TSPAN5: variants seen among roughly 807,000 people sequenced by gnomAD.
TSPAN5 encodes tetraspanin-5.
In TSPAN5, 10 loss-of-function variants were observed where a neutral mutation model predicts 37.1. The ratio of observed to expected loss-of-function variants is 0.27; its 90% CI spans 0.17 to 0.46. TSPAN5 has a LOEUF of 0.46. Among genes scored for constraint, TSPAN5 ranks in the 20% least tolerant of loss-of-function variants. The pLI is 1.00. For missense variants in TSPAN5, 195 were observed against 326.6 expected (o/e 0.60, Z 3.11); for synonymous variants, 110 against 118.9 (o/e 0.93, Z 0.48).
At chr4:98,502,479 G>A (rs781755392) in intron 2 of TSPAN5, among the ~76,000 whole-genome samples, 4 of 152,168 alleles carry the variant, frequency 2.6e-5, no homozygotes, top group Non-Finnish European at 4.4e-5. Flanking sequence ...GAAGCCAAGT[G>A]AGGAAAACGT....
chr4:98,650,703 C>T (rs913724794), intron 1 of TSPAN5, among the ~76,000 whole-genome samples: 1 of 152,170 alleles, frequency 6.6e-6, no homozygotes, highest in Non-Finnish European at 1.5e-5. Context: ...CACCAAGCAA[C>T]CAGATCTTGG....
At chr4:98,485,067 C>T (rs1423192152) in intron 3 of TSPAN5, 2 of 150,922 alleles carry the variant, frequency 1.3e-5, no homozygotes, top group South Asian at 2.1e-4. Flanking sequence ...GAGCCGAGAT[C>T]ACACCATTGC....
chr4:98,524,934 A>G (rs1317033718), intron 1 of TSPAN5, among the ~76,000 whole-genome samples: 1 of 152,076 alleles, frequency 6.6e-6, no homozygotes, highest in African/African-American at 2.4e-5. Flanking sequence ...AATTTCCTAG[A>G]TATTTCTGAT....
intron 1 of TSPAN5, among the ~76,000 whole-genome samples, chr4:98,543,554 T>C (rs1754407555): frequency 6.6e-6 from 1 of 151,908 alleles, no homozygotes; most frequent in Admixed American, 6.6e-5. Flanking sequence ...TAGCTGGGAT[T>C]ACAGGCTCCC....
intron 2 of TSPAN5, among the ~76,000 whole-genome samples, chr4:98,500,738 A>G (rs1753328125): frequency 6.6e-6 from 1 of 152,104 alleles, no homozygotes; most frequent in African/African-American, 2.4e-5. Context: ...CTCTTTTTGC[A>G]TGTTCTCATT....
chr4:98,571,890 G>T (rs553787749), intron 1 of TSPAN5, among the ~76,000 whole-genome samples: 1 of 152,266 alleles, frequency 6.6e-6, no homozygotes, highest in Non-Finnish European at 1.5e-5. Flanking sequence ...CAAAATTTCT[G>T]CTGTCAATGA....
chr4:98,507,993 G>A (rs1753515609), intron 1 of TSPAN5, among the ~76,000 whole-genome samples: 1 of 152,160 alleles, frequency 6.6e-6, no homozygotes, highest in African/African-American at 2.4e-5. Flanking sequence ...TGAGTACACT[G>A]AAATTATCAA....
chr4:98,578,251 A>G (rs531924539), intron 1 of TSPAN5, among the ~76,000 whole-genome samples: 1 of 152,304 alleles, frequency 6.6e-6, no homozygotes, highest in African/African-American at 2.4e-5. Flanking sequence ...ATCCCTGCAG[A>G]GCCAACACAT....
chr4:98,484,714 C>A, intron 3 of TSPAN5: 1 of 391,150 alleles, frequency 2.6e-6, no homozygotes. Flanking sequence ...GTAATCCCAG[C>A]ATTCTGGGAG....
At chr4:98,602,620 T>C (rs1354211700) in intron 1 of TSPAN5, among the ~76,000 whole-genome samples, 1 of 152,218 alleles carries the variant, frequency 6.6e-6, no homozygotes, top group Non-Finnish European at 1.5e-5. Flanking sequence ...CCTACCCTCA[T>C]TTGAAGTGTT....
At chr4:98,486,607 A>T in intron 3 of TSPAN5, 131 bp downstream of exon 3, 1 of 1,014,784 alleles carries the variant, frequency 9.9e-7, no homozygotes, top group African/African-American at 1.6e-5. Context: ...CTCAAAAGAA[A>T]ATAATGACCT....
At position 98,514,125 on chromosome 4, in the gene TSPAN5, G is replaced by GA. The variant is rs200725641; in HGVS notation, c.82-6398dup. ...ATATCATCCTAAATAACAATGAATG[G>GA]AAAAAAACCCAACATTCTGATGAAG... On this transcript the variant is annotated intron_variant, in intron 1 of 7. Transcript: ENST00000305798. Among the ~76,000 whole-genome samples the GA allele has an allele frequency of 3.7e-3, 559 of 152,044 alleles. 5 individuals are homozygous for GA. The highest frequency in any genetic ancestry group is 0.013 in the African/African-American group (534 of 41,512).
At chr4:98,656,822 C>T (rs1020009716) in intron 1 of TSPAN5, among the ~76,000 whole-genome samples, 1 of 152,104 alleles carries the variant, frequency 6.6e-6, no homozygotes, top group Non-Finnish European at 1.5e-5. Context: ...AATAAAATAA[C>T]CTGGTAAGAG....
intron 1 of TSPAN5, among the ~76,000 whole-genome samples, chr4:98,520,296 T>C (rs1453517766): frequency 6.6e-6 from 1 of 152,098 alleles, no homozygotes; most frequent in Non-Finnish European, 1.5e-5. Context: ...TTGTGTTCCG[T>C]TAAGTGAAAA....
At position 98,602,686 on chromosome 4, in the gene TSPAN5, G is replaced by A. The variant is rs562848246; in HGVS notation, c.81+55460C>T. ...CCTCTCTTCTTCCCCTACAATCAAC[G>A]CTTTTGCCCTGCGACAGAATTGCTC... On this transcript the variant is annotated intron_variant, in intron 1 of 7. Transcript: ENST00000305798. Among the ~76,000 whole-genome samples the A allele has an allele frequency of 1.2e-4, 19 of 152,114 alleles. No homozygotes were observed. The South Asian group carries it at 1.9e-3, about 15-fold the overall frequency.
intron 1 of TSPAN5, among the ~76,000 whole-genome samples, chr4:98,535,924 C>A (rs1167904055): frequency 6.6e-6 from 1 of 152,122 alleles, no homozygotes; most frequent in Non-Finnish European, 1.5e-5. Flanking sequence ...TTCTAGTTAG[C>A]AATTCGTCTA....
chr4:98,591,395 T>C (rs569037715), intron 1 of TSPAN5, among the ~76,000 whole-genome samples: 1 of 118,578 alleles, frequency 8.4e-6, no homozygotes, highest in Non-Finnish European at 1.7e-5. Flanking sequence ...AATAATACAC[T>C]TTTAAATTCA....
In TSPAN5 at chr4:98,558,432, G is replaced by A. The variant is rs77694277; in HGVS notation, c.82-50704C>T. On this transcript the variant is annotated intron_variant, in intron 1 of 7. Coordinates refer to ENST00000305798, the MANE Select transcript of TSPAN5 (RefSeq NM_005723.4). ...AAATCCATACTGAATTTAGAACAGA[G>A]ATTATTAGGCAAAAAGTTTTTAAAG... is the stretch of plus-strand genomic sequence containing the variant. 7.6e-3 allele frequency among the ~76,000 whole-genome samples: 1,156 copies of A among 152,318 alleles called. 8 individuals are homozygous for A. The highest frequency in any genetic ancestry group is 0.018 in the Admixed American group (275 of 15,300).
intron 1 of TSPAN5, among the ~76,000 whole-genome samples, chr4:98,652,884 T>C (rs1027507187): frequency 1.3e-5 from 2 of 152,206 alleles, no homozygotes; most frequent in African/African-American, 4.8e-5. Context: ...GATTTGGTTT[T>C]CCAACTTCTC....
Sources: allele counts gnomAD v4.1 joint callset (sites outside exome capture counted in the v4.1 genomes callset), GRCh38; gene constraint gnomAD v4.1.1; transcripts MANE v1.5; gene names NCBI Gene and HGNC (gene_info 2026-07-23, HGNC 2026-07-21).